Variants in HHIPL1 observed in about 807,000 individuals in gnomAD.
HHIPL1 encodes the protein HHIP-like protein 1.
Under a neutral mutation model 61.8 loss-of-function variants are expected in HHIPL1, and 43 were observed. That is an observed-to-expected ratio of 0.70 (90% CI 0.55 to 0.90). The LOEUF is 0.90. Ranked by LOEUF, HHIPL1 falls within the 40% of genes least tolerant of loss-of-function variation. The pLI is 0.00. For synonymous variants in HHIPL1, 482 were observed against 515.8 expected (o/e 0.93, Z 0.89); for missense variants, 1,056 against 1,157.7 (o/e 0.91, Z 1.28).
chr14:99,605,219 G>C, the HHIPL1 span, among the ~76,000 whole-genome samples: 1 of 152,246 alleles, frequency 6.6e-6, no homozygotes. Flanking sequence ...TCTCCCACTG[G>C]GGCCTGAACG....
At chr14:99,647,373 G>C (rs771116343) in intron 1 of HHIPL1, among the ~76,000 whole-genome samples, 4 of 152,208 alleles carry the variant, frequency 2.6e-5, no homozygotes. Context: ...TCACATAGCA[G>C]AGTTCCTGCA....
Position 99,675,697 on chromosome 14 carries a change from G to T in HHIPL1, c.*71G>T. ...GCAGGGGCCGCTCCGCCCTGTGTGC[G>T]CCCAGCGGGTGCACACGTGTTCTAG... On this transcript the variant is annotated 3_prime_UTR_variant, in exon 9 of 9. Transcript: ENST00000330710. This position sits in a 1 kb window ranked among gnomAD's most constrained non-coding sequence, Gnocchi z 5.4. 3 of 1,382,724 alleles carry T rather than the reference G, an allele frequency of 2.2e-6. No homozygotes were observed. The South Asian group carries it at 4.5e-5, about 21-fold the overall frequency. The allele number at this position is 1,382,724 out of a possible 1,614,324, so 85.7% of individuals were successfully genotyped here. A position where few individuals can be genotyped will look rare whatever the true frequency, so the allele number is the denominator to read the frequency against.
the HHIPL1 span, among the ~76,000 whole-genome samples, chr14:99,631,110 C>CTTTCTTTCTT: frequency 2.2e-5 from 2 of 89,524 alleles, no homozygotes; most frequent in African/African-American, 8.0e-5. Context: ...CTTTCTTTCT[C>CTTTCTTTCTT]TCTCTTTCTT....
At chr14:99,612,916 C>T in the HHIPL1 span, among the ~76,000 whole-genome samples, 2 of 152,212 alleles carry the variant, frequency 1.3e-5, no homozygotes, top group African/African-American at 4.8e-5. Flanking sequence ...CCCCACCTGG[C>T]CCTACCCTGC....
At position 99,672,479 on chromosome 14, in the gene HHIPL1, G is replaced by A. The variant is rs149141179; in HGVS notation, c.1813+80G>A. On this transcript the variant is annotated intron_variant, in intron 8 of 8. Coordinates refer to ENST00000330710, the MANE Select transcript of HHIPL1 (RefSeq NM_001127258.3). The stretch of plus-strand genomic sequence containing the variant: ...AACGGCTGCCTTTCCAGCCAGACTC[G>A]GGTCTTACCAGCTGGACCTAGATGC... The A allele has an allele frequency of 1.0e-3, 1,216 of 1,221,756 alleles. 1 individual carries two copies. The highest frequency in any genetic ancestry group is 1.3e-3 in the Non-Finnish European group (1,128 of 848,190). 75.7% of individuals were successfully genotyped at this position (1,221,756 alleles called of 1,614,324 possible).
chr14:99,656,563 G>C (rs1376154001), intron 2 of HHIPL1, among the ~76,000 whole-genome samples: 1 of 151,926 alleles, frequency 6.6e-6, no homozygotes, highest in East Asian at 1.9e-4. Context: ...ATCACTTGCG[G>C]TCAGGAGGTT....
At chr14:99,645,587 C>A in intron 1 of HHIPL1, 125 bp downstream of exon 1, 1 of 1,044,880 alleles carries the variant, frequency 9.6e-7, no homozygotes, top group South Asian at 4.5e-5. Flanking sequence ...TAAGCCCCAA[C>A]AGGGAGTCAT....
At chr14:99,644,568 A>C (rs1388736035), upstream of HHIPL1, among the ~76,000 whole-genome samples, 3 of 151,956 alleles carry the variant, frequency 2.0e-5, no homozygotes, top group Non-Finnish European at 4.4e-5. Context: ...CCTATGCGAG[A>C]GTGGAAGTGG....
intron 8 of HHIPL1, 98 bp downstream of exon 8, chr14:99,672,497 C>G: frequency 1.1e-6 from 1 of 930,584 alleles, no homozygotes; most frequent in East Asian, 2.6e-5. Context: ...CCAGCTGGAC[C>G]TAGATGCCCC....
At chr14:99,674,324 C>T (rs1402878262) in intron 8 of HHIPL1, among the ~76,000 whole-genome samples, 1 of 128,558 alleles carries the variant, frequency 7.8e-6, no homozygotes, top group South Asian at 2.5e-4. Context: ...TGAGGTCTAT[C>T]CCTGTGGCTG....
chr14:99,661,973 C>T (rs1166087840), intron 5 of HHIPL1, among the ~76,000 whole-genome samples: 1 of 152,150 alleles, frequency 6.6e-6, no homozygotes, highest in Admixed American at 6.5e-5. Flanking sequence ...CCCCGGGGAC[C>T]CAGCTTTCCC....
At chr14:99,646,154 C>G (rs1221456999) in intron 1 of HHIPL1, among the ~76,000 whole-genome samples, 1 of 152,284 alleles carries the variant, frequency 6.6e-6, no homozygotes, top group Non-Finnish European at 1.5e-5. Flanking sequence ...CTGTGCACAC[C>G]TGGTGGTGCC....
the HHIPL1 span, among the ~76,000 whole-genome samples, chr14:99,613,338 T>C: frequency 6.6e-6 from 1 of 151,924 alleles, no homozygotes; most frequent in African/African-American, 2.4e-5. Flanking sequence ...TTAATTAATT[T>C]TTTTTTAGAC....
chr14:99,612,000 T>G, the HHIPL1 span, among the ~76,000 whole-genome samples: 2 of 152,214 alleles, frequency 1.3e-5, no homozygotes, highest in Non-Finnish European at 2.9e-5. Flanking sequence ...CAAAGATGCT[T>G]GTACTTTCTT....
the HHIPL1 span, among the ~76,000 whole-genome samples, chr14:99,637,921 C>A: frequency 2.0e-5 from 3 of 152,176 alleles, no homozygotes; most frequent in African/African-American, 2.4e-5. Context: ...AGAACTCGAA[C>A]CCACTGCTCT....
chr14:99,650,344 G>A (rs963588450), intron 1 of HHIPL1, among the ~76,000 whole-genome samples: 18 of 152,180 alleles, frequency 1.2e-4, no homozygotes, highest in Admixed American at 3.3e-4. Flanking sequence ...AGCATCCCCC[G>A]AAGCTCTGGG....
At position 99,668,947 on chromosome 14, in the gene HHIPL1, A is replaced by G; in HGVS notation, c.1730+644A>G. The G allele has an allele frequency of 6.2e-7, 1 of 1,606,426 alleles. No homozygotes were observed. Among genetic ancestry groups the G allele is most frequent in the Non-Finnish European group, 8.5e-7 (1 of 1,174,724 alleles). On this transcript the variant is annotated intron_variant, in intron 7 of 8. Coordinates refer to ENST00000330710, the MANE Select transcript of HHIPL1 (RefSeq NM_001127258.3). The surrounding 1 kb of genome is among the most constrained non-coding windows in gnomAD (Gnocchi z 4.7). ...GAAATGAGCACAAAGACACGAAGTCATGGGCCTGGGGCCCAGGGCCAGGGT... is the reference window on the plus strand; with the variant it reads ...GAAATGAGCACAAAGACACGAAGTCGTGGGCCTGGGGCCCAGGGCCAGGGT...
At chr14:99,636,969 A>G in the HHIPL1 span, among the ~76,000 whole-genome samples, 1,250 of 87,578 alleles carry the variant, frequency 0.014, 30 homozygotes, top group African/African-American at 0.044. Flanking sequence ...GATCCTGCTG[A>G]AAAAAAAAAA....
chr14:99,671,353 T>G (rs1238211295), intron 7 of HHIPL1, among the ~76,000 whole-genome samples: 1 of 152,212 alleles, frequency 6.6e-6, no homozygotes. Context: ...AGTGTGTGGA[T>G]GTTCTCTGGA....
Sources: allele counts gnomAD v4.1 joint callset (sites outside exome capture counted in the v4.1 genomes callset), GRCh38; gene constraint gnomAD v4.1.1; non-coding constraint Gnocchi (gnomAD v3.1); transcripts MANE v1.5; gene names NCBI Gene and HGNC (gene_info 2026-07-23, HGNC 2026-07-21).